Variants in ZEB2 observed in about 807,000 individuals in gnomAD.
ZEB2 encodes zinc finger E-box-binding homeobox 2.
Under a neutral mutation model 99.9 loss-of-function variants are expected in ZEB2, and 6 were observed. The ratio of observed to expected loss-of-function variants is 0.06; its 90% CI spans 0.03 to 0.12. ZEB2 has a LOEUF of 0.12. Among genes scored for constraint, ZEB2 ranks in the 10% least tolerant of loss-of-function variants. The pLI, the probability that ZEB2 is intolerant of heterozygous loss-of-function variation, is 1.00. For synonymous variants in ZEB2, 517 were observed against 542.5 expected, an observed-to-expected ratio of 0.95 and a Z score of 0.65; for missense variants, 969 against 1,502.8, an observed-to-expected ratio of 0.64 and a Z score of 5.87.
At chr2:144,403,863 C>T (rs1703345892) in intron 6 of ZEB2, 53 bp downstream of exon 6, 7 of 1,604,116 alleles carry the variant, frequency 4.4e-6, no homozygotes, top group Non-Finnish European at 6.0e-6. Flanking sequence ...AAAGCAATAT[C>T]GTTTCTCTAA....
intron 1 of ZEB2, 136 bp from the exon 2 acceptor site, chr2:144,517,555 G>GGCCCCCCC: frequency 1.5e-6 from 1 of 676,204 alleles, no homozygotes; most frequent in Admixed American, 2.2e-5. Flanking sequence ...AACTTCGGCG[G>GGCCCCCCC]CCCCCTCCCC....
At chr2:144,455,231 C>G (rs1297428137) in intron 2 of ZEB2, 2 of 152,176 alleles carry the variant, frequency 1.3e-5, no homozygotes, top group Non-Finnish European at 2.9e-5. Context: ...TTGCTAACAA[C>G]AAGCAGCCTG....
intron 2 of ZEB2, among the ~76,000 whole-genome samples, chr2:144,440,628 T>A (rs12473384): frequency 6.6e-6 from 1 of 151,254 alleles, no homozygotes; most frequent in South Asian, 2.1e-4. Flanking sequence ...GCCAGAACAA[T>A]TGAGTCACAC....
intron 2 of ZEB2, among the ~76,000 whole-genome samples, chr2:144,503,222 A>G (rs1360779179): frequency 6.6e-6 from 1 of 152,196 alleles, no homozygotes; most frequent in Non-Finnish European, 1.5e-5. Flanking sequence ...AGGGTCCTCA[A>G]AGTTAAAGCT....
intron 2 of ZEB2, chr2:144,512,077 C>G: frequency 7.8e-7 from 1 of 1,287,040 alleles, no homozygotes; most frequent in South Asian, 1.2e-5. Flanking sequence ...TGTGGGAATG[C>G]GGGAATGAAT....
chr2:144,473,081 T>C (rs1015379063), intron 2 of ZEB2, among the ~76,000 whole-genome samples: 2 of 152,156 alleles, frequency 1.3e-5, no homozygotes, highest in African/African-American at 4.8e-5. Flanking sequence ...AAAGTCCCCA[T>C]GGGCCAAGGC....
rs1435380197 is a variant in ZEB2, at chr2:144,399,851, G to A, written c.1336C>T (p.Pro446Ser). ...TTCATGGTGGGAAACCCAAGTAAAG[G>A]GGCTTCCATCCCTACACCTAAGTGC... ...MQHLGVGMEA[P>S]LLGFPTMNSN... is the part of the protein sequence containing the mutation. The change falls in exon 8 of 10, where the codon CCT becomes TCT. Residue 446 changes from proline (P) to serine (S), a missense_variant. Around this residue, in one of 8 missense-constraint regions of ZEB2, gnomAD observed 227 missense variants for 278.2 expected, o/e 0.82. Transcript: ENST00000627532. This position sits in a 1 kb window ranked among gnomAD's most constrained non-coding sequence, Gnocchi z 5.6. The A allele has an allele frequency of 2.5e-6, 4 of 1,614,102 alleles. No individual in the cohort carries two copies. In the Admixed American group the frequency reaches 6.7e-5, roughly 27 times the overall value.
intron 4 of ZEB2, among the ~76,000 whole-genome samples, chr2:144,413,632 C>T (rs1399419815): frequency 6.6e-6 from 1 of 152,190 alleles, no homozygotes; most frequent in African/African-American, 2.4e-5. Context: ...GCAGACAAAA[C>T]TCTTCCAACC....
At chr2:144,390,896 A>G (rs1703147002) in intron 9 of ZEB2, among the ~76,000 whole-genome samples, 2 of 152,224 alleles carry the variant, frequency 1.3e-5, no homozygotes, top group South Asian at 4.1e-4. Flanking sequence ...CATAGCTGCC[A>G]TACTTGAAAG....
Position 144,398,881 on chromosome 2 carries a change from A to C in ZEB2, c.2306T>G (p.Ile769Ser). The change falls in exon 8 of 10, where the codon ATT becomes AGT. Residue 769 changes from isoleucine (I) to serine (S), a missense_variant. Physicochemically the swap from Ile to Ser is moderately radical, Grantham distance 142. This residue lies in a region of ZEB2 where 346 missense variants were observed against 460.0 expected (regional missense o/e 0.75). Transcript: ENST00000627532. ...GTGGTCCAATTTTTCAACTGGTTTA[A>C]TATTGGTAAAATGGGAAGGTTTTGT... ...RLTKPSHFTN[I>S]KPVEKLDHSR... 6.2e-7 allele frequency: 1 copy of C among 1,614,196 alleles called. No individual in the cohort carries two copies. The highest frequency in any genetic ancestry group is 2.2e-5 in the East Asian group (1 of 44,886).
intron 2 of ZEB2, among the ~76,000 whole-genome samples, chr2:144,432,421 C>A (rs1703786067): frequency 6.6e-6 from 1 of 152,178 alleles, no homozygotes; most frequent in Admixed American, 6.5e-5. Context: ...ACTCTCCCAA[C>A]CCCTTTTTAA....
At chr2:144,404,297 C>T (rs568665033) in intron 5 of ZEB2, among the ~76,000 whole-genome samples, 167 bp from the exon 6 acceptor site, 1 of 146,856 alleles carries the variant, frequency 6.8e-6, no homozygotes, top group Admixed American at 7.1e-5. Flanking sequence ...CCTCGCATGC[C>T]CAGGACAGAC....
intron 2 of ZEB2, among the ~76,000 whole-genome samples, chr2:144,456,430 T>C (rs1312921645): frequency 6.6e-6 from 1 of 152,144 alleles, no homozygotes; most frequent in Non-Finnish European, 1.5e-5. Flanking sequence ...CCTTTTTGGA[T>C]TCTTTCATTT....
Position 144,399,526 on chromosome 2 carries a change from A to G in ZEB2, c.1661T>C (p.Ile554Thr). The G allele has an allele frequency of 6.2e-7, 1 of 1,614,180 alleles. No homozygotes were observed. The highest frequency in any genetic ancestry group is 8.5e-7 in the Non-Finnish European group (1 of 1,180,030). Residue 554 changes from isoleucine to threonine, a missense_variant, in exon 8 of 10, where the codon ATA (isoleucine) becomes ACA (threonine). Transcript: ENST00000627532. This position sits in a 1 kb window ranked among gnomAD's most constrained non-coding sequence, Gnocchi z 5.6. ...TTDSRRQISN[I>T]KKEKLRTLID... ...TAAAGTACGTAGCTTCTCTTTCTTT[A>G]TATTACTGATCTGTCTCCTTGAGTC... is the stretch of plus-strand genomic sequence containing the variant.
At chr2:144,464,344 T>C (rs892519654) in intron 2 of ZEB2, 4 of 152,176 alleles carry the variant, frequency 2.6e-5, no homozygotes, top group Non-Finnish European at 5.9e-5. Context: ...TTGTCTTTGC[T>C]ACAAATATTA....
intron 2 of ZEB2, chr2:144,463,658 G>A (rs569415417): frequency 7.3e-5 from 11 of 151,716 alleles, no homozygotes; most frequent in East Asian, 5.8e-4. Context: ...GTGAGACCCC[G>A]TCTCTACAAA....
chr2:144,436,291 T>C (rs1397563015), intron 2 of ZEB2, among the ~76,000 whole-genome samples: 1 of 152,192 alleles, frequency 6.6e-6, no homozygotes. Flanking sequence ...ATAGTCAGCC[T>C]TTATACAAAC....
intron 2 of ZEB2, among the ~76,000 whole-genome samples, chr2:144,454,078 T>G (rs1006343662): frequency 6.6e-6 from 1 of 152,236 alleles, no homozygotes; most frequent in African/African-American, 2.4e-5. Context: ...TGTTTTAAAC[T>G]AGGATTTATA....
chr2:144,424,496 T>C, intron 4 of ZEB2: 1 of 585,302 alleles, frequency 1.7e-6, no homozygotes, highest in Non-Finnish European at 3.2e-6. Flanking sequence ...TTGCAGTCTT[T>C]TAAAATAAAA....
Sources: gnomAD v4.1 joint callset for allele counts (sites outside exome capture counted in the v4.1 genomes callset) on GRCh38, gnomAD v4.1.1 for gene constraint, gnomAD v4.1.1 regional missense constraint, Gnocchi (gnomAD v3.1) non-coding constraint, MANE v1.5 for transcripts, NCBI Gene and HGNC (gene_info 2026-07-23, HGNC 2026-07-21) for gene names.